The following RP1 variants were observed in gnomAD, a reference collection of about 807,000 sequenced individuals.
The protein encoded by RP1 is RP1 axonemal microtubule associated, also known as oxygen-regulated protein 1.
RP1 carries 16 observed loss-of-function variants against 14.8 expected under a neutral mutation model. The observed-to-expected ratio is 1.08, with a 90% CI of 0.73 to 1.65. The LOEUF is 1.65. RP1 is among the 40% of genes most tolerant of loss of function. The pLI, the probability that RP1 is intolerant of heterozygous loss-of-function variation, is 0.00. For synonymous variants in RP1, 876 were observed against 883.6 expected (o/e 0.99, Z 0.15); for missense variants, 2,631 against 2,535.0 (o/e 1.04, Z -0.81).
intron 15 of RP1, among the ~76,000 whole-genome samples, chr8:54,708,118 G>T (rs117051319): frequency 1.3e-5 from 2 of 152,238 alleles, no homozygotes; most frequent in Admixed American, 1.3e-4. Flanking sequence ...TCTGGGGCTC[G>T]CAGGAGTGTT....
At chr8:54,706,609 A>G (rs911165908) in exon 15 of RP1, 30 of 1,535,982 alleles carry the variant, frequency 2.0e-5, no homozygotes, top group African/African-American at 4.1e-5. Context: ...AGTGTGAAAA[A>G]TGCACAAATG....
intron 18 of RP1, among the ~76,000 whole-genome samples, chr8:54,736,913 A>C (rs942816339): frequency 1.3e-5 from 2 of 152,154 alleles, no homozygotes; most frequent in African/African-American, 4.8e-5. Flanking sequence ...CTGGGGTCTT[A>C]TGATAGTTTG....
chr8:54,770,612 T>A (rs1158269749), downstream of RP1, among the ~76,000 whole-genome samples: 1 of 148,564 alleles, frequency 6.7e-6, no homozygotes, highest in African/African-American at 2.4e-5. Context: ...ATTTACGTTC[T>A]CTCAAATTGC....
chr8:54,694,786 A>AT (rs1240715699), intron 12 of RP1, among the ~76,000 whole-genome samples: 1 of 152,020 alleles, frequency 6.6e-6, no homozygotes, highest in African/African-American at 2.4e-5. Flanking sequence ...GGATTCATTA[A>AT]TTTTTTATAG....
chr8:54,856,977 A>G, intron 26 of RP1: 2 of 562,996 alleles, frequency 3.6e-6, no homozygotes, highest in Non-Finnish European at 5.2e-6. Flanking sequence ...TTTTTTTTCT[A>G]GAGAAAGGAA....
At chr8:54,605,512 T>A in intron 1 of RP1, among the ~76,000 whole-genome samples, 1 of 152,030 alleles carries the variant, frequency 6.6e-6, no homozygotes. Context: ...GAATGTATAT[T>A]CTGTTGATTT....
chr8:54,701,284 C>A (rs1230436130), intron 13 of RP1, among the ~76,000 whole-genome samples: 2 of 151,978 alleles, frequency 1.3e-5, no homozygotes, highest in African/African-American at 4.8e-5. Context: ...TCTGAGAAAT[C>A]AAGAGAAGGA....
chr8:54,835,672 T>TG (rs1220875514), intron 24 of RP1, among the ~76,000 whole-genome samples: 2 of 152,184 alleles, frequency 1.3e-5, no homozygotes, highest in Non-Finnish European at 1.5e-5. Flanking sequence ...AGTATTCAGA[T>TG]GGGGGCACTG....
intron 12 of RP1, among the ~76,000 whole-genome samples, chr8:54,693,621 T>C (rs1807776599): frequency 6.6e-6 from 1 of 152,164 alleles, no homozygotes. Flanking sequence ...TCTCTGTTTG[T>C]CTGTTATTGG....
At chr8:54,757,880 A>C (rs1248770088) in intron 21 of RP1, among the ~76,000 whole-genome samples, 1 of 152,224 alleles carries the variant, frequency 6.6e-6, no homozygotes, top group Non-Finnish European at 1.5e-5. Context: ...AAGATGCACA[A>C]ATATTCATCA....
At chr8:54,602,039 AT>A (rs1221025161) in intron 1 of RP1, among the ~76,000 whole-genome samples, 1 of 152,000 alleles carries the variant, frequency 6.6e-6, no homozygotes, top group East Asian at 1.9e-4. Flanking sequence ...TGAATCATCC[AT>A]TTTTTTAAAT....
At chr8:54,682,440 T>A (rs1321569647) in intron 12 of RP1, among the ~76,000 whole-genome samples, 1 of 152,004 alleles carries the variant, frequency 6.6e-6, no homozygotes, top group Admixed American at 6.6e-5. Flanking sequence ...AGAAATACCA[T>A]TTTACCTGGC....
intron 17 of RP1, among the ~76,000 whole-genome samples, chr8:54,728,640 A>G (rs1808717742): frequency 6.6e-6 from 1 of 152,186 alleles, no homozygotes; most frequent in African/African-American, 2.4e-5. Flanking sequence ...AGGATTTAGA[A>G]CTTAAAATAG....
chr8:54,716,019 G>T (rs1221980164), intron 15 of RP1, among the ~76,000 whole-genome samples: 1 of 152,170 alleles, frequency 6.6e-6, no homozygotes. Context: ...AATGTAAAAT[G>T]ACATTGATTT....
At chr8:54,832,404 T>C (rs372009698) in intron 24 of RP1, among the ~76,000 whole-genome samples, 8 of 151,838 alleles carry the variant, frequency 5.3e-5, no homozygotes, top group East Asian at 1.9e-4. Context: ...GTCTAATTGG[T>C]TATTTTATTC....
At chr8:54,764,521 A>G (rs982951107) in intron 22 of RP1, among the ~76,000 whole-genome samples, 6 of 152,228 alleles carry the variant, frequency 3.9e-5, no homozygotes, top group African/African-American at 1.2e-4. Context: ...GGCGTGTGAC[A>G]TTAACTCAGC....
chr8:54,749,553 G>C (rs1317094659), intron 19 of RP1, among the ~76,000 whole-genome samples: 1 of 152,076 alleles, frequency 6.6e-6, no homozygotes, highest in Non-Finnish European at 1.5e-5. Context: ...TGACATTAAA[G>C]GCAGGCACTA....
At position 54,628,190 on chromosome 8, in the gene RP1, C is replaced by T. The variant is rs190591946; in HGVS notation, c.4308C>T (p.Ser1436=). Residue 1436 remains serine, a synonymous_variant, in exon 4 of 4, where the codon TCC becomes TCT. Transcript: ENST00000220676. ...RKFQDENAYT[S]FDMEEPRTSE... is the part of the protein sequence containing the mutation. ...TTCAGGATGAAAATGCATATACTTC[C>T]TTTGATATGGAAGAACCACGGACTT... The T allele has an allele frequency of 2.7e-5, 44 of 1,613,956 alleles. No individual in the cohort carries two copies. In the African/African-American group the frequency reaches 4.4e-4, roughly 16 times the overall value.
intron 24 of RP1, among the ~76,000 whole-genome samples, chr8:54,812,809 C>CA (rs1563383932): frequency 1.3e-4 from 20 of 151,262 alleles, no homozygotes; most frequent in African/African-American, 4.6e-4. Context: ...ATCTATCTAT[C>CA]TCTCCGTCTT....
Sources: allele counts gnomAD v4.1 joint callset (sites outside exome capture counted in the v4.1 genomes callset), GRCh38; gene constraint gnomAD v4.1.1; transcripts MANE v1.5; gene names NCBI Gene and HGNC (gene_info 2026-07-23, HGNC 2026-07-21).